LRRC9: variants seen among roughly 807,000 people sequenced by gnomAD.
LRRC9 encodes the protein leucine rich repeat containing 9.
Under a neutral mutation model 63.2 loss-of-function variants are expected in LRRC9, and 122 were observed. That is an observed-to-expected ratio of 1.93 (90% CI 1.67 to 2.24). LRRC9 has a LOEUF of 2.24. LRRC9 is among the 30% of genes most tolerant of loss of function. The pLI is 0.00. For missense variants in LRRC9, 1,071 were observed against 627.7 expected (o/e 1.71, Z -7.55); for synonymous variants, 366 against 213.1 (o/e 1.72, Z -6.25).
chr14:60,054,784 C>T (rs1359496279), intron 30 of LRRC9, among the ~76,000 whole-genome samples: 5 of 148,256 alleles, frequency 3.4e-5, no homozygotes, highest in East Asian at 2.0e-4. Context: ...TTTTTTTAGA[C>T]GAAGTCTTGC....
intron 29 of LRRC9, among the ~76,000 whole-genome samples, chr14:60,037,180 G>A (rs368157033): frequency 9.8e-5 from 15 of 152,286 alleles, no homozygotes; most frequent in Admixed American, 9.2e-4. Context: ...GGACATTCGG[G>A]TTGGTTCCAA....
intron 8 of LRRC9, among the ~76,000 whole-genome samples, chr14:59,949,648 T>G (rs1341968511): frequency 4.0e-5 from 6 of 151,208 alleles, no homozygotes; most frequent in African/African-American, 1.5e-4. Context: ...GCTATAAATT[T>G]CCCTCTACAC....
chr14:59,944,387 CT>C, intron 7 of LRRC9, among the ~76,000 whole-genome samples: 1 of 151,910 alleles, frequency 6.6e-6, no homozygotes, highest in Non-Finnish European at 1.5e-5. Flanking sequence ...CAAAGGAAAT[CT>C]TTGGAATTTT....
chr14:60,002,865 C>T (rs916998979), intron 20 of LRRC9, among the ~76,000 whole-genome samples: 11 of 152,122 alleles, frequency 7.2e-5, no homozygotes, highest in African/African-American at 2.7e-4. Context: ...GGAAAGCAAA[C>T]TTTAAAGGCT....
rs74631634 is a variant in LRRC9, at chr14:59,944,539, C to T, written c.727-50C>T. 8,285 of 528,086 alleles carry T rather than the reference C, an allele frequency of 0.016. 681 individuals carry two copies. The East Asian group carries it at 0.2, about 13-fold the overall frequency. The allele number at this position is 528,086 out of a possible 1,614,324, so 32.7% of individuals were successfully genotyped here. A position where few individuals can be genotyped will look rare whatever the true frequency, so the allele number is the denominator to read the frequency against. On this transcript the variant is annotated intron_variant, in intron 7 of 31. Coordinates refer to ENST00000445360, the Ensembl canonical transcript of LRRC9. ...ATTTATATAATACCACTAACAATTGCCTATAATTTGTTTTAGCTAATTTTT... is the reference window on the plus strand; with the variant it reads ...ATTTATATAATACCACTAACAATTGTCTATAATTTGTTTTAGCTAATTTTT...
intron 30 of LRRC9, among the ~76,000 whole-genome samples, chr14:60,057,165 T>G (rs1894347429): frequency 6.6e-6 from 1 of 152,152 alleles, no homozygotes; most frequent in Admixed American, 6.6e-5. Flanking sequence ...AGCTGAATCA[T>G]ATGTTCAGAA....
intron 29 of LRRC9, among the ~76,000 whole-genome samples, chr14:60,035,941 T>G (rs772261130): frequency 1.9e-5 from 2 of 108,024 alleles, no homozygotes; most frequent in Non-Finnish European, 4.3e-5. Flanking sequence ...TAACAACAGA[T>G]ATTTATTTCT....
intron 29 of LRRC9, among the ~76,000 whole-genome samples, chr14:60,049,054 G>A (rs1170882448): frequency 2.0e-5 from 3 of 152,162 alleles, no homozygotes; most frequent in African/African-American, 7.2e-5. Context: ...TTCAATAGAT[G>A]TAGAACAGGC....
chr14:59,968,342 A>C (rs1356304543), intron 12 of LRRC9, among the ~76,000 whole-genome samples: 1 of 152,194 alleles, frequency 6.6e-6, no homozygotes, highest in African/African-American at 2.4e-5. Flanking sequence ...AAAGTTCTGG[A>C]AATGGATGGT....
intron 17 of LRRC9, 101 bp downstream of exon 17, chr14:59,985,325 T>G (rs1335389606): frequency 3.9e-6 from 2 of 507,962 alleles, no homozygotes; most frequent in African/African-American, 3.8e-5. Flanking sequence ...GGGGAGATAT[T>G]GGTCAAAGGG....
Position 59,928,270 on chromosome 14 carries a change from T to A in LRRC9, c.51T>A (p.Cys17Ter). 1.7e-6 allele frequency: 1 copy of A among 587,754 alleles called. No homozygotes were observed. Among genetic ancestry groups the A allele is most frequent in the East Asian group, 2.9e-5 (1 of 35,004 alleles). 36.4% of individuals were successfully genotyped at this position (587,754 alleles called of 1,614,324 possible). ...CAAATTTCTTTCCTTTAAAACAGTG[T>A]TTGTGCAATGGCTTATCTTATGAGA... The change falls in exon 3 of 32, where the codon TGT (cysteine) becomes TGA (stop). Residue 17 changes from cysteine to a stop codon, truncating the protein, a stop_gained and splice_region_variant. Coordinates refer to ENST00000445360, the Ensembl canonical transcript of LRRC9. LOFTEE classifies it high-confidence loss of function.
At chr14:59,972,254 CA>C (rs1201027495) in intron 12 of LRRC9, among the ~76,000 whole-genome samples, 23 of 152,102 alleles carry the variant, frequency 1.5e-4, no homozygotes, top group Non-Finnish European at 2.2e-4. Flanking sequence ...CCTGAATTTT[CA>C]AACAGTAGGT....
chr14:60,040,930 CAGG>C (rs1446523717), intron 29 of LRRC9, among the ~76,000 whole-genome samples: 5 of 151,928 alleles, frequency 3.3e-5, no homozygotes, highest in African/African-American at 1.2e-4. Context: ...GTGCTTCCTT[CAGG>C]AGGTCTTGTA....
At chr14:59,955,323 T>C (rs1205937020) in intron 8 of LRRC9, among the ~76,000 whole-genome samples, 1 of 152,164 alleles carries the variant, frequency 6.6e-6, no homozygotes, top group Admixed American at 6.5e-5. Flanking sequence ...ATTTCAGAAC[T>C]TGTTATTGGT....
At chr14:59,976,397 G>C (rs1886289432) in intron 13 of LRRC9, among the ~76,000 whole-genome samples, 1 of 152,112 alleles carries the variant, frequency 6.6e-6, no homozygotes, top group African/African-American at 2.4e-5. Context: ...GTCAGAAATT[G>C]GGTTAACTTA....
In LRRC9 at chr14:59,923,028, G is replaced by T. The variant is rs1218602153; in HGVS notation, c.-34+3145G>T. Among the ~76,000 whole-genome samples, 1 of 152,182 alleles carries T rather than the reference G, an allele frequency of 6.6e-6. No individual in the cohort carries two copies. Among genetic ancestry groups the T allele is most frequent in the East Asian group, 1.9e-4 (1 of 5,190 alleles). ...CTGGTTTTGTGGGGGAACTAGAGAT[G>T]ACCTTTAGCCTCTTAAATGGGCCAG... On this transcript the variant is annotated intron_variant, in intron 1 of 31. Coordinates refer to ENST00000445360, the Ensembl canonical transcript of LRRC9. This position sits in a 1 kb window ranked among gnomAD's most constrained non-coding sequence, Gnocchi z 4.2.
chr14:59,920,815 C>T (rs1888708353), intron 1 of LRRC9, among the ~76,000 whole-genome samples: 1 of 152,226 alleles, frequency 6.6e-6, no homozygotes, highest in Non-Finnish European at 1.5e-5. Flanking sequence ...ACGATTATGT[C>T]TTTAAATTAT....
chr14:59,995,878 G>T lies in LRRC9; in HGVS notation c.2212-1778G>T, dbSNP rs148845571. Among the ~76,000 whole-genome samples, 392 of 152,268 alleles carry T rather than the reference G, an allele frequency of 2.6e-3. 1 individual carries two copies. The highest frequency in any genetic ancestry group is 4.1e-3 in the Non-Finnish European group (281 of 68,006). On this transcript the variant is annotated intron_variant, in intron 17 of 31. Transcript: ENST00000445360. The stretch of plus-strand genomic sequence containing the variant: ...CTGCCTCAGCCTCCGGAGTATCTGG[G>T]ACTACAGGTATGCGCCACGATGCCC...
At chr14:59,954,977 CA>C (rs1383249886) in intron 8 of LRRC9, among the ~76,000 whole-genome samples, 46 of 152,222 alleles carry the variant, frequency 3.0e-4, no homozygotes, top group African/African-American at 1.1e-3. Flanking sequence ...ACCGGCCTTG[CA>C]TCCCAGGGAT....
Sources: gnomAD v4.1 joint callset for allele counts (sites outside exome capture counted in the v4.1 genomes callset) on GRCh38, gnomAD v4.1.1 for gene constraint, Gnocchi (gnomAD v3.1) non-coding constraint, MANE v1.5 for transcripts, NCBI Gene and HGNC (gene_info 2026-07-23, HGNC 2026-07-21) for gene names.